The following ZMAT4 variants were observed in gnomAD, a reference collection of about 807,000 sequenced individuals.
The protein encoded by ZMAT4 is zinc finger matrin-type protein 4.
In ZMAT4, 17 loss-of-function variants were observed where a neutral mutation model predicts 28.7. The ratio of observed to expected loss-of-function variants is 0.59; its 90% CI spans 0.41 to 0.89. ZMAT4 has a LOEUF of 0.89. Ranked by LOEUF, ZMAT4 falls within the 40% of genes least tolerant of loss-of-function variation. ZMAT4 has a pLI of 0.00. For missense variants in ZMAT4, 240 were observed against 283.8 expected (o/e 0.85, Z 1.11); for synonymous variants, 117 against 109.2 (o/e 1.07, Z -0.44).
intron 5 of ZMAT4, among the ~76,000 whole-genome samples, chr8:40,600,142 T>C (rs1805249744): frequency 6.6e-6 from 1 of 151,976 alleles, no homozygotes; most frequent in Non-Finnish European, 1.5e-5. Context: ...TAATTAAACA[T>C]GTGTGTGTAT....
chr8:40,836,762 T>C (rs904471325), intron 1 of ZMAT4, among the ~76,000 whole-genome samples: 1 of 152,084 alleles, frequency 6.6e-6, no homozygotes, highest in Non-Finnish European at 1.5e-5. Flanking sequence ...TTGCCTTAGG[T>C]TGGGGAGACA....
intron 6 of ZMAT4, among the ~76,000 whole-genome samples, chr8:40,567,065 G>A (rs1803946719): frequency 6.6e-6 from 1 of 152,072 alleles, no homozygotes; most frequent in African/African-American, 2.4e-5. Context: ...GGTGTCTTTA[G>A]AAGGAAAGGC....
At chr8:40,728,448 A>G (rs1275734522) in intron 3 of ZMAT4, among the ~76,000 whole-genome samples, 2 of 152,172 alleles carry the variant, frequency 1.3e-5, no homozygotes, top group African/African-American at 4.8e-5. Flanking sequence ...CAGTTTCCCA[A>G]CCTGAGCATC....
At chr8:40,895,200 C>T (rs1302576175) in intron 1 of ZMAT4, among the ~76,000 whole-genome samples, 1 of 152,182 alleles carries the variant, frequency 6.6e-6, no homozygotes, top group Admixed American at 6.5e-5. Context: ...GGAGAAAACG[C>T]TGGGTCTGTG....
chr8:40,776,902 G>A (rs563022331), intron 2 of ZMAT4, among the ~76,000 whole-genome samples: 1 of 150,948 alleles, frequency 6.6e-6, no homozygotes, highest in African/African-American at 2.4e-5. Context: ...GCAAGGACTA[G>A]TGTGATAGCC....
chr8:40,685,824 T>C (rs1258752039), intron 4 of ZMAT4, among the ~76,000 whole-genome samples: 1 of 152,140 alleles, frequency 6.6e-6, no homozygotes, highest in Non-Finnish European at 1.5e-5. Context: ...AGGAAAGCAC[T>C]GGATTAGGTT....
intron 5 of ZMAT4, among the ~76,000 whole-genome samples, chr8:40,646,337 A>G (rs1419006628): frequency 6.6e-6 from 1 of 150,738 alleles, no homozygotes; most frequent in African/African-American, 2.4e-5. Flanking sequence ...TTTTAGCTAT[A>G]TTTCTTTGTA....
At chr8:40,757,516 G>GA (rs1201008779) in intron 3 of ZMAT4, among the ~76,000 whole-genome samples, 14 of 151,714 alleles carry the variant, frequency 9.2e-5, no homozygotes, top group Non-Finnish European at 1.6e-4. Flanking sequence ...AACCTGGAGG[G>GA]CGGAGGTTGC....
rs1238987654 is a variant in ZMAT4 at position 40,680,700 on chromosome 8, GTACACA to G, written c.350-5775_350-5770del. On this transcript the variant is annotated intron_variant, in intron 4 of 6. Transcript: ENST00000297737. The stretch of plus-strand genomic sequence containing the variant: ...CTCTCTCTGTCTCTACATGTCTAAT[GTACACA>G]CACACACACACACACACACACACAC... Among the ~76,000 whole-genome samples the G allele has an allele frequency of 3.8e-3, 566 of 149,062 alleles. 2 individuals carry two copies. Among genetic ancestry groups the G allele is most frequent in the Admixed American group, 5.2e-3 (78 of 14,934 alleles).
intron 1 of ZMAT4, among the ~76,000 whole-genome samples, chr8:40,835,931 A>C (rs191661780): frequency 6.6e-5 from 10 of 152,270 alleles, no homozygotes; most frequent in Admixed American, 6.5e-4. Context: ...ACTCAGTGAA[A>C]ATGTAGAGTC....
chr8:40,766,990 A>C (rs1813184685), intron 3 of ZMAT4, among the ~76,000 whole-genome samples: 3 of 152,174 alleles, frequency 2.0e-5, no homozygotes, highest in African/African-American at 7.2e-5. Context: ...CAGCTGGTGG[A>C]TATGAATATT....
At chr8:40,598,103 CTTAAT>C (rs2118602296) in intron 5 of ZMAT4, among the ~76,000 whole-genome samples, 1 of 152,212 alleles carries the variant, frequency 6.6e-6, no homozygotes, top group East Asian at 1.9e-4. Context: ...AAAGAGCACA[CTTAAT>C]TTAATGTTTC....
chr8:40,871,350 CT>C (rs1817851451), intron 1 of ZMAT4, among the ~76,000 whole-genome samples: 1 of 152,188 alleles, frequency 6.6e-6, no homozygotes, highest in Non-Finnish European at 1.5e-5. Flanking sequence ...CTAAATCTTT[CT>C]TTTCTCTTTC....
rs757677611 is a variant in ZMAT4, at chr8:40,699,738, C to T, written c.193-2337G>A. Among the ~76,000 whole-genome samples the T allele has an allele frequency of 4.6e-5, 7 of 152,294 alleles. No homozygotes were observed. The East Asian group carries it at 5.8e-4, about 13-fold the overall frequency. On this transcript the variant is annotated intron_variant, in intron 3 of 6. Coordinates refer to ENST00000297737, the MANE Select transcript of ZMAT4 (RefSeq NM_024645.3). ...ATTATACCATTTTTTTAACTACTTACGCATGACATAGGTCAAAGCGTGTAA... is the reference window on the plus strand; with the variant it reads ...ATTATACCATTTTTTTAACTACTTATGCATGACATAGGTCAAAGCGTGTAA...
At chr8:40,622,348 G>A (rs1272496769) in intron 5 of ZMAT4, among the ~76,000 whole-genome samples, 9 of 152,182 alleles carry the variant, frequency 5.9e-5, no homozygotes, top group Non-Finnish European at 1.3e-4. Flanking sequence ...CCAAATGCCT[G>A]CCTTCTCCAA....
intron 6 of ZMAT4, among the ~76,000 whole-genome samples, chr8:40,557,190 G>A (rs1803570189): frequency 6.6e-6 from 1 of 152,076 alleles, no homozygotes; most frequent in Non-Finnish European, 1.5e-5. Context: ...GCACTCTCAT[G>A]TTTATTGCAA....
intron 1 of ZMAT4, among the ~76,000 whole-genome samples, chr8:40,896,760 G>T (rs1300637663): frequency 6.6e-6 from 1 of 152,100 alleles, no homozygotes. Context: ...GCAGTTAGCA[G>T]AAGCAGTGTG....
At chr8:40,859,957 T>C (rs187298784) in intron 1 of ZMAT4, among the ~76,000 whole-genome samples, 4 of 152,266 alleles carry the variant, frequency 2.6e-5, no homozygotes, top group Admixed American at 2.0e-4. Context: ...AAGGAAGAGA[T>C]TGTTAACTCT....
chr8:40,824,081 T>C (rs1815931020), intron 2 of ZMAT4, among the ~76,000 whole-genome samples: 1 of 152,124 alleles, frequency 6.6e-6, no homozygotes, highest in Admixed American at 6.5e-5. Context: ...TGCGTATGTG[T>C]GTGTGTTATT....
Sources: allele counts gnomAD v4.1 joint callset (sites outside exome capture counted in the v4.1 genomes callset), GRCh38; gene constraint gnomAD v4.1.1; transcripts MANE v1.5; gene names NCBI Gene and HGNC (gene_info 2026-07-23, HGNC 2026-07-21).